Variants in TGFB2 observed in about 807,000 individuals in gnomAD.
The protein encoded by TGFB2 is transforming growth factor beta 2, also known as transforming growth factor beta-2 proprotein.
TGFB2 carries 13 observed loss-of-function variants against 42.7 expected under a neutral mutation model. That is an observed-to-expected ratio of 0.30 (90% CI 0.20 to 0.48). The LOEUF (loss-of-function observed/expected upper bound fraction) is 0.48, where lower values mean the gene tolerates loss of function less well. Among genes scored for constraint, TGFB2 ranks in the 20% least tolerant of loss-of-function variants. The pLI is 0.99. For missense variants in TGFB2, 390 were observed against 517.5 expected (o/e 0.75, Z 2.39); for synonymous variants, 193 against 193.6 (o/e 1.00, Z 0.03).
At chr1:218,365,687 T>G (rs1657365418) in intron 1 of TGFB2, among the ~76,000 whole-genome samples, 1 of 151,542 alleles carries the variant, frequency 6.6e-6, no homozygotes, top group Admixed American at 6.6e-5. Context: ...TTTGTCTCTG[T>G]TCTTAGAAAT....
intron 1 of TGFB2, among the ~76,000 whole-genome samples, chr1:218,375,685 T>A (rs2102559003): frequency 6.6e-6 from 1 of 152,304 alleles, no homozygotes; most frequent in Non-Finnish European, 1.5e-5. Flanking sequence ...GAGTGCTTTT[T>A]TTTCAGTCTA....
At chr1:218,427,047 G>A (rs1223326348) in intron 2 of TGFB2, among the ~76,000 whole-genome samples, 7 of 151,842 alleles carry the variant, frequency 4.6e-5, no homozygotes, top group Non-Finnish European at 8.8e-5. Flanking sequence ...ACTTTTTATC[G>A]TATTATTTCT....
chr1:218,372,113 A>T (rs1571845167), intron 1 of TGFB2, among the ~76,000 whole-genome samples: 2 of 151,974 alleles, frequency 1.3e-5, no homozygotes, highest in East Asian at 1.9e-4. Context: ...GTAGCAACAG[A>T]TGCTGAGCTT....
intron 1 of TGFB2, among the ~76,000 whole-genome samples, chr1:218,404,320 C>T (rs1000647689): frequency 6.6e-6 from 1 of 152,268 alleles, no homozygotes; most frequent in East Asian, 1.9e-4. Flanking sequence ...GCCATGTTGG[C>T]CAGGGCTGGT....
chr1:218,395,081 G>A (rs1231014263), intron 1 of TGFB2, among the ~76,000 whole-genome samples: 1 of 152,136 alleles, frequency 6.6e-6, no homozygotes, highest in East Asian at 1.9e-4. Context: ...TGCAGGAAAA[G>A]TGCAGTCATT....
chr1:218,346,998 C>T lies in TGFB2; in HGVS notation c.297C>T (p.Tyr99=), dbSNP rs760759052. 42 of 1,611,246 alleles carry T rather than the reference C, an allele frequency of 2.6e-5. No homozygotes were observed. The highest frequency in any genetic ancestry group is 2.1e-4 in the African/African-American group (16 of 74,870). Residue 99 remains tyrosine, a synonymous_variant, in exon 1 of 7, where the codon TAC becomes TAT. Transcript: ENST00000366930. This position sits in a 1 kb window ranked among gnomAD's most constrained non-coding sequence, Gnocchi z 4.9. Reference sequence around the variant, plus strand: ...GCGAGAGGAGCGACGAAGAGTACTACGCCAAGGAGGTTTACAAAATAGACA... The same window carrying T: ...GCGAGAGGAGCGACGAAGAGTACTATGCCAAGGAGGTTTACAAAATAGACA... The part of the protein sequence containing the change: ...CERERSDEEY[Y]AKEVYKIDMP...
chr1:218,373,830 A>G (rs765274165), intron 1 of TGFB2, among the ~76,000 whole-genome samples: 25 of 152,236 alleles, frequency 1.6e-4, no homozygotes, highest in Non-Finnish European at 2.9e-4. Flanking sequence ...AGGAAAAAAA[A>G]GACAAGTCTG....
chr1:218,406,494 C>A (rs749373580), intron 2 of TGFB2, among the ~76,000 whole-genome samples: 49 of 152,330 alleles, frequency 3.2e-4, no homozygotes, highest in Non-Finnish European at 5.9e-4. Context: ...GCAGGTGCTT[C>A]TTGTGCACAT....
chr1:218,351,253 G>A (rs2102532563), intron 1 of TGFB2, among the ~76,000 whole-genome samples: 1 of 152,308 alleles, frequency 6.6e-6, no homozygotes, highest in Non-Finnish European at 1.5e-5. Flanking sequence ...GCTTTATGTA[G>A]TAAGCATTTT....
chr1:218,424,558 A>G (rs1659559062), intron 2 of TGFB2, among the ~76,000 whole-genome samples: 1 of 152,202 alleles, frequency 6.6e-6, no homozygotes, highest in Admixed American at 6.5e-5. Flanking sequence ...GATGGGGCTT[A>G]GCAATCTGTG....
chr1:218,405,140 T>C, intron 1 of TGFB2, 29 bp from the exon 2 acceptor site: 2 of 1,548,416 alleles, frequency 1.3e-6, no homozygotes, highest in South Asian at 2.5e-5. Flanking sequence ...GATTTTATCA[T>C]TTTCAATGAT....
chr1:218,394,049 G>A lies in TGFB2; in HGVS notation c.347-11120G>A, dbSNP rs548779397. 8.5e-5 allele frequency among the ~76,000 whole-genome samples: 13 copies of A among 152,190 alleles called. No individual in the cohort carries two copies. The South Asian group carries it at 2.7e-3, about 32-fold the overall frequency. On this transcript the variant is annotated intron_variant, in intron 1 of 6. Transcript: ENST00000366930. ...AGCCTCCCGAGTAGCTGGGATTACAGGTGCCCACCACCATGCCTGGCTAAT... is the reference window on the plus strand; with the variant it reads ...AGCCTCCCGAGTAGCTGGGATTACAAGTGCCCACCACCATGCCTGGCTAAT...
At chr1:218,431,570 A>G (rs1659807983) in intron 2 of TGFB2, among the ~76,000 whole-genome samples, 1 of 152,210 alleles carries the variant, frequency 6.6e-6, no homozygotes, top group South Asian at 2.1e-4. Flanking sequence ...TCAGCAATGG[A>G]GACAATGTTT....
chr1:218,436,897 A>G (rs567486351), intron 5 of TGFB2, among the ~76,000 whole-genome samples: 1 of 152,352 alleles, frequency 6.6e-6, no homozygotes, highest in African/African-American at 2.4e-5. Context: ...CAAAGGATCA[A>G]TTCTCAAAGG....
Position 218,441,425 on chromosome 1 carries a change from A to C in TGFB2, c.*63A>C, listed in dbSNP as rs2102634709. On this transcript the variant is annotated 3_prime_UTR_variant, in exon 7 of 7. Coordinates refer to ENST00000366930, the MANE Select transcript of TGFB2 (RefSeq NM_003238.6). ...TGATGATAATGATGATGACGACGAC[A>C]ACGATGATGCTTGTAACAAGAAAAC... 6.6e-7 allele frequency: 1 copy of C among 1,512,128 alleles called. No homozygotes were observed. Among genetic ancestry groups the C allele is most frequent in the South Asian group, 1.3e-5 (1 of 76,884 alleles). 93.7% of individuals were successfully genotyped at this position (1,512,128 alleles called of 1,614,324 possible).
intron 1 of TGFB2, among the ~76,000 whole-genome samples, chr1:218,360,583 G>A (rs1342037344): frequency 6.6e-6 from 1 of 152,000 alleles, no homozygotes; most frequent in Non-Finnish European, 1.5e-5. Flanking sequence ...TAGGTGATGG[G>A]GTTGATAGGT....
intron 1 of TGFB2, among the ~76,000 whole-genome samples, chr1:218,352,891 C>T (rs1490108556): frequency 6.6e-6 from 1 of 152,192 alleles, no homozygotes; most frequent in Non-Finnish European, 1.5e-5. Context: ...AACCAGGCCT[C>T]AGTTTCTTCC....
chr1:218,410,632 G>A (rs1659064735), intron 2 of TGFB2, among the ~76,000 whole-genome samples: 1 of 152,158 alleles, frequency 6.6e-6, no homozygotes, highest in Non-Finnish European at 1.5e-5. Context: ...AGAAAACAAA[G>A]ATGAAAAACA....
intron 1 of TGFB2, among the ~76,000 whole-genome samples, chr1:218,347,932 TA>T (rs146675233): frequency 6.9e-6 from 1 of 145,868 alleles, no homozygotes; most frequent in African/African-American, 2.7e-5. Flanking sequence ...ACGACAGCCG[TA>T]TTTTTTTTTT....
Sources: gnomAD v4.1 joint callset for allele counts (sites outside exome capture counted in the v4.1 genomes callset) on GRCh38, gnomAD v4.1.1 for gene constraint, Gnocchi (gnomAD v3.1) non-coding constraint, MANE v1.5 for transcripts, NCBI Gene and HGNC (gene_info 2026-07-23, HGNC 2026-07-21) for gene names.